Variants in DCLK1 observed in about 807,000 individuals in gnomAD.
DCLK1 encodes the protein serine/threonine-protein kinase DCLK1.
In DCLK1, 16 loss-of-function variants were observed where a neutral mutation model predicts 86.2. The ratio of observed to expected loss-of-function variants is 0.19; its 90% CI spans 0.13 to 0.28. DCLK1 has a LOEUF of 0.28. Among genes scored for constraint, DCLK1 ranks in the 10% least tolerant of loss-of-function variants. The probability of loss-of-function intolerance (pLI) is 1.00; values close to 1 mark genes in which losing one functional copy is unlikely to be tolerated. For missense variants in DCLK1, 590 were observed against 940.2 expected (o/e 0.63, Z 4.87); for synonymous variants, 369 against 370.5 (o/e 1.00, Z 0.05).
chr13:35,822,736 T>C lies in DCLK1; in HGVS notation c.1547A>G (p.Asn516Ser). ...NIVHRDIKPE[N>S]LLVYEHQDGS... ...AGGTGGAATTCCTCTTACCAGCAGG[T>C]TCTCTGGCTTGATATCACGGTGGAC... Residue 516 changes from asparagine (N) to serine (S), a missense_variant, in exon 11 of 17, where the codon AAC (asparagine) becomes AGC (serine). Asn to Ser is a conservative substitution (Grantham distance 46). Around this residue, in one of 6 missense-constraint regions of DCLK1, gnomAD observed 108 missense variants for 195.7 expected, o/e 0.55. Transcript: ENST00000360631. 6.2e-7 allele frequency: 1 copy of C among 1,613,990 alleles called. No individual in the cohort carries two copies.
chr13:36,027,861 T>C (rs1010859336), intron 3 of DCLK1, among the ~76,000 whole-genome samples: 2 of 152,110 alleles, frequency 1.3e-5, no homozygotes, highest in African/African-American at 4.8e-5. Flanking sequence ...GCCTCCCAAG[T>C]AGTGGGACTA....
At chr13:36,115,825 G>C (rs1408097270) in intron 2 of DCLK1, among the ~76,000 whole-genome samples, 1 of 150,688 alleles carries the variant, frequency 6.6e-6, no homozygotes, top group Non-Finnish European at 1.5e-5. Flanking sequence ...TTTCTTTCCT[G>C]AAAGATTTTA....
chr13:35,922,316 A>G (rs1373265071), intron 4 of DCLK1, among the ~76,000 whole-genome samples: 1 of 152,156 alleles, frequency 6.6e-6, no homozygotes, highest in African/African-American at 2.4e-5. Flanking sequence ...TCTTCTACCT[A>G]TTACCTTCCC....
chr13:35,884,303 C>G (rs568927155), intron 4 of DCLK1, among the ~76,000 whole-genome samples: 15 of 152,050 alleles, frequency 9.9e-5, no homozygotes, highest in African/African-American at 3.6e-4. Context: ...GTTTTTATCC[C>G]AACTCAAATT....
intron 3 of DCLK1, among the ~76,000 whole-genome samples, chr13:36,026,345 T>G (rs1321499380): frequency 6.6e-6 from 1 of 152,214 alleles, no homozygotes; most frequent in African/African-American, 2.4e-5. Context: ...ACTTTCTTCA[T>G]AGATAATGCA....
intron 3 of DCLK1, among the ~76,000 whole-genome samples, chr13:35,950,072 G>A (rs998758743): frequency 2.0e-5 from 3 of 152,174 alleles, no homozygotes; most frequent in Non-Finnish European, 4.4e-5. Flanking sequence ...GATGTTTTCC[G>A]TGCTTTCTGT....
At chr13:35,975,061 C>A (rs1445480558) in intron 3 of DCLK1, among the ~76,000 whole-genome samples, 1 of 152,158 alleles carries the variant, frequency 6.6e-6, no homozygotes, top group African/African-American at 2.4e-5. Context: ...TGTGTAAGGT[C>A]CCCAAGGGCA....
At chr13:35,788,032 G>A in intron 16 of DCLK1, 1 of 641,600 alleles carries the variant, frequency 1.6e-6, no homozygotes, top group Non-Finnish European at 2.8e-6. Context: ...GTGAATAATG[G>A]GTGAAAAAAA....
intron 3 of DCLK1, among the ~76,000 whole-genome samples, chr13:35,991,810 T>C (rs992676128): frequency 3.9e-5 from 6 of 152,170 alleles, no homozygotes; most frequent in African/African-American, 1.4e-4. Flanking sequence ...CCAGGTCTGA[T>C]TCCAGATCAT....
At chr13:36,005,818 T>C (rs78974531) in intron 3 of DCLK1, among the ~76,000 whole-genome samples, 2 of 152,288 alleles carry the variant, frequency 1.3e-5, no homozygotes, top group African/African-American at 2.4e-5. Context: ...ATATATGCCA[T>C]GGAATACTAT....
rs182314237 is a variant in DCLK1, at chr13:35,779,165, A to G, written c.2059-4466T>C. ...TAATTTTTGTATTTTCAGTATAGACAGGGGTTCACCATGTTGGCCTGGCTG... is the reference window on the plus strand; with the variant it reads ...TAATTTTTGTATTTTCAGTATAGACGGGGGTTCACCATGTTGGCCTGGCTG... On this transcript the variant is annotated intron_variant, in intron 16 of 16. Transcript: ENST00000360631. 2.9e-3 allele frequency among the ~76,000 whole-genome samples: 440 copies of G among 152,182 alleles called. 2 individuals are homozygous for G. The highest frequency in any genetic ancestry group is 0.01 in the African/African-American group (427 of 41,542).
intron 15 of DCLK1, among the ~76,000 whole-genome samples, chr13:35,800,686 A>G (rs921208309): frequency 1.3e-5 from 2 of 152,018 alleles, no homozygotes; most frequent in East Asian, 1.9e-4. Flanking sequence ...TCTATTTTAT[A>G]TAAGTCTACC....
intron 8 of DCLK1, among the ~76,000 whole-genome samples, chr13:35,834,497 T>C (rs1018159441): frequency 4.6e-5 from 7 of 152,230 alleles, no homozygotes; most frequent in African/African-American, 1.7e-4. Context: ...GTCCATGTTT[T>C]CTATCTATAA....
In DCLK1 at chr13:35,769,729, A is replaced by G. The variant is rs2086296171; in HGVS notation, c.*4806T>C. On this transcript the variant is annotated 3_prime_UTR_variant, in exon 17 of 17. Coordinates refer to ENST00000360631, the MANE Select transcript of DCLK1 (RefSeq NM_001330071.2). ...GAACTATTACTTACTTTAAATTATT[A>G]AAGTATATCACAGACAAAATATTCA... 1 of 152,226 alleles carries G rather than the reference A, an allele frequency of 6.6e-6. No homozygotes were observed. Among genetic ancestry groups the G allele is most frequent in the South Asian group, 2.1e-4 (1 of 4,828 alleles). 9.4% of individuals were successfully genotyped at this position (152,226 alleles called of 1,614,324 possible). A position where few individuals can be genotyped will look rare whatever the true frequency, so the allele number is the denominator to read the frequency against.
At chr13:35,789,494 TA>T (rs2086676107) in intron 16 of DCLK1, among the ~76,000 whole-genome samples, 1 of 152,206 alleles carries the variant, frequency 6.6e-6, no homozygotes, top group Admixed American at 6.5e-5. Flanking sequence ...AGCTACTTAG[TA>T]ATTAGCTTTC....
intron 3 of DCLK1, among the ~76,000 whole-genome samples, chr13:36,050,514 T>TTTAAG (rs1883085216): frequency 6.6e-6 from 1 of 152,168 alleles, no homozygotes; most frequent in African/African-American, 2.4e-5. Flanking sequence ...CACAAAATCC[T>TTTAAG]AATTTGGTTT....
At chr13:36,087,210 C>T (rs2138126795) in intron 3 of DCLK1, among the ~76,000 whole-genome samples, 1 of 152,146 alleles carries the variant, frequency 6.6e-6, no homozygotes, top group East Asian at 1.9e-4. Context: ...CTGCATTTCT[C>T]TAATGACCAG....
chr13:35,905,635 T>C (rs1432067804), intron 4 of DCLK1, among the ~76,000 whole-genome samples: 3 of 152,224 alleles, frequency 2.0e-5, no homozygotes, highest in African/African-American at 7.2e-5. Context: ...AGTTAATTTG[T>C]TCTCTTCCTT....
At chr13:35,961,348 A>G (rs1479226799) in intron 3 of DCLK1, among the ~76,000 whole-genome samples, 3 of 152,220 alleles carry the variant, frequency 2.0e-5, no homozygotes, top group African/African-American at 7.2e-5. Flanking sequence ...AGAGTCAACT[A>G]CCATGGAAGA....
Sources: allele counts gnomAD v4.1 joint callset (sites outside exome capture counted in the v4.1 genomes callset), GRCh38; gene constraint gnomAD v4.1.1; regional missense constraint gnomAD v4.1.1; transcripts MANE v1.5; gene names NCBI Gene and HGNC (gene_info 2026-07-23, HGNC 2026-07-21).